ABR: variants seen among roughly 807,000 people sequenced by gnomAD.
ABR encodes the protein ABR activator of RhoGEF and GTPase.
In ABR, 35 loss-of-function variants were observed where a neutral mutation model predicts 107.2. The ratio of observed to expected loss-of-function variants is 0.33; its 90% CI spans 0.25 to 0.43. The LOEUF (loss-of-function observed/expected upper bound fraction) is 0.43. Among genes scored for constraint, ABR ranks in the 20% least tolerant of loss-of-function variants. The pLI, the probability that ABR is intolerant of heterozygous loss-of-function variation, is 1.00. For synonymous variants in ABR, 498 were observed against 462.0 expected (o/e 1.08, Z -1.00); for missense variants, 815 against 1,115.2 (o/e 0.73, Z 3.83).
rs558793349 is a variant in ABR at position 1,078,566 on chromosome 17, C to T, written c.700+764G>A. On this transcript the variant is annotated intron_variant, in intron 6 of 22. Transcript: ENST00000302538. This position sits in a 1 kb window ranked among gnomAD's most constrained non-coding sequence, Gnocchi z 7.5. ...TCACACTAGCCCACCAATTCCCCAC[C>T]GATCCTCGGGGCCACCTGGACCCCT... Among the ~76,000 whole-genome samples the T allele has an allele frequency of 4.6e-5, 7 of 152,282 alleles. No homozygotes were observed. In the South Asian group the frequency reaches 1.2e-3, roughly 27 times the overall value.
rs920758527 is a variant in ABR, at chr17:1,005,832, C to T, written c.*248G>A. The T allele has an allele frequency of 1.6e-5, 9 of 565,808 alleles. No individual in the cohort carries two copies. The highest frequency in any genetic ancestry group is 2.1e-5 in the South Asian group (1 of 48,496). 35.0% of individuals were successfully genotyped at this position (565,808 alleles called of 1,614,324 possible). A position where few individuals can be genotyped will look rare whatever the true frequency, so the allele number is the denominator to read the frequency against. On this transcript the variant is annotated 3_prime_UTR_variant, in exon 23 of 23. Coordinates refer to ENST00000302538, the MANE Select transcript of ABR (RefSeq NM_021962.5). Reference sequence around the variant, plus strand: ...TACATAAAACAATTCCCGAACAGCACGGAGCATCAGACACAACTAGAGGTA... The same window carrying T: ...TACATAAAACAATTCCCGAACAGCATGGAGCATCAGACACAACTAGAGGTA...
intron 1 of ABR, among the ~76,000 whole-genome samples, chr17:1,178,956 G>A (rs1301996486): frequency 6.6e-6 from 1 of 151,824 alleles, no homozygotes. Context: ...GCAATCACAT[G>A]ATCCAGAGAG....
intron 16 of ABR, among the ~76,000 whole-genome samples, chr17:1,040,704 C>T (rs932435760): frequency 3.3e-5 from 5 of 152,232 alleles, no homozygotes; most frequent in African/African-American, 4.8e-5. Context: ...GGGCAAACCA[C>T]GTACTGACTC....
At chr17:1,072,909 G>A (rs573475380) in intron 7 of ABR, among the ~76,000 whole-genome samples, 155 bp from the exon 8 acceptor site, 1 of 152,316 alleles carries the variant, frequency 6.6e-6, no homozygotes, top group Non-Finnish European at 1.5e-5. Flanking sequence ...GGCCGGGCAC[G>A]GCGGCTCATG....
chr17:1,069,307 C>T (rs1354600185), intron 9 of ABR, among the ~76,000 whole-genome samples: 1 of 152,164 alleles, frequency 6.6e-6, no homozygotes, highest in African/African-American at 2.4e-5. Context: ...TAATTAAAAA[C>T]ATGACTTACT....
At chr17:1,079,785 T>C (rs867476743) in intron 5 of ABR, among the ~76,000 whole-genome samples, 1 of 59,246 alleles carries the variant, frequency 1.7e-5, no homozygotes, top group East Asian at 5.0e-4. Context: ...CGAGACTCTG[T>C]CTCAAAAAAA....
chr17:1,074,261 A>T (rs546469559), intron 6 of ABR, among the ~76,000 whole-genome samples: 25 of 148,532 alleles, frequency 1.7e-4, no homozygotes, highest in Admixed American at 7.4e-4. Context: ...AGTCCAGCAC[A>T]CCTGCCACAC....
At chr17:1,185,673 A>AAT (rs1179206980) in intron 1 of ABR, among the ~76,000 whole-genome samples, 1 of 149,942 alleles carries the variant, frequency 6.7e-6, no homozygotes, top group South Asian at 2.1e-4. Flanking sequence ...AAAAAAAAAA[A>AAT]AAAAAAAGAA....
intron 16 of ABR, among the ~76,000 whole-genome samples, chr17:1,048,788 G>C (rs1258389352): frequency 1.3e-4 from 19 of 148,118 alleles, no homozygotes; most frequent in African/African-American, 5.0e-4. Context: ...ATCACGTCCG[G>C]GGCCACGGTC....
chr17:1,202,283 C>G (rs955405525), intron 1 of ABR, among the ~76,000 whole-genome samples: 1 of 152,196 alleles, frequency 6.6e-6, no homozygotes, highest in African/African-American at 2.4e-5. Flanking sequence ...CCCCTTCGGC[C>G]TCCCAAAGTG....
intron 16 of ABR, among the ~76,000 whole-genome samples, chr17:1,029,582 C>T (rs1457240782): frequency 2.6e-5 from 4 of 152,194 alleles, no homozygotes. Context: ...GCAATCCCTC[C>T]TGCCAGTCTG....
intron 1 of ABR, among the ~76,000 whole-genome samples, chr17:1,165,551 G>A (rs2041470009): frequency 6.6e-6 from 1 of 152,130 alleles, no homozygotes; most frequent in African/African-American, 2.4e-5. Context: ...TTTTTTCTGA[G>A]ACGAAGTTGT....
At chr17:1,182,858 G>A (rs1351084778), upstream of ABR, among the ~76,000 whole-genome samples, 1 of 152,174 alleles carries the variant, frequency 6.6e-6, no homozygotes, top group East Asian at 1.9e-4. Flanking sequence ...CAGTCACTTC[G>A]AGATTCCCTT....
At chr17:1,152,930 T>A (rs56301404) in intron 1 of ABR, among the ~76,000 whole-genome samples, 53,429 of 151,754 alleles carry the variant, frequency 0.35, 10,675 homozygotes, top group East Asian at 0.63. Flanking sequence ...CTGTCTCTAC[T>A]GACAATACAA....
upstream of ABR, among the ~76,000 whole-genome samples, chr17:1,187,896 A>T (rs2042345071): frequency 6.6e-6 from 1 of 151,082 alleles, no homozygotes; most frequent in African/African-American, 2.4e-5. Flanking sequence ...GCTCCCTCTC[A>T]AAATAAATAA....
At chr17:1,017,159 A>G (rs916967716) in intron 16 of ABR, among the ~76,000 whole-genome samples, 9 of 152,068 alleles carry the variant, frequency 5.9e-5, no homozygotes, top group African/African-American at 2.2e-4. Context: ...ACACACGGGA[A>G]GCGTGAGGCC....
At chr17:1,015,988 G>A (rs2071124505) in intron 16 of ABR, among the ~76,000 whole-genome samples, 1 of 152,134 alleles carries the variant, frequency 6.6e-6, no homozygotes, top group Admixed American at 6.5e-5. Context: ...CCAGGAGTTC[G>A]AGACCAGCCT....
Position 1,051,426 on chromosome 17 carries a change from G to A in ABR, c.1562-792C>T, listed in dbSNP as rs1187097225. On this transcript the variant is annotated intron_variant, in intron 14 of 22. Transcript: ENST00000302538. This position sits in a 1 kb window ranked among gnomAD's most constrained non-coding sequence, Gnocchi z 4.3. ...AGGTAACAAGGCAGTGGAGGGCTGG[G>A]GCGGGAGGGCAGGGCCGGGGGCTTT... Among the ~76,000 whole-genome samples, 1 of 152,146 alleles carries A rather than the reference G, an allele frequency of 6.6e-6. No homozygotes were observed. Among genetic ancestry groups the A allele is most frequent in the Non-Finnish European group, 1.5e-5 (1 of 68,014 alleles).
chr17:1,088,034 C>G (rs2036739709), intron 4 of ABR, among the ~76,000 whole-genome samples: 1 of 152,178 alleles, frequency 6.6e-6, no homozygotes, highest in African/African-American at 2.4e-5. Context: ...AATCAAATAC[C>G]CAGAGTCTTC....
Sources: gnomAD v4.1 joint callset for allele counts (sites outside exome capture counted in the v4.1 genomes callset) on GRCh38, gnomAD v4.1.1 for gene constraint, Gnocchi (gnomAD v3.1) non-coding constraint, MANE v1.5 for transcripts, NCBI Gene and HGNC (gene_info 2026-07-23, HGNC 2026-07-21) for gene names.